Variants in NELL2 observed in about 807,000 individuals in gnomAD.
NELL2 encodes the protein neural EGFL like 2, also known as protein kinase C-binding protein NELL2.
In NELL2, 41 loss-of-function variants were observed where a neutral mutation model predicts 109.6. The observed-to-expected ratio is 0.37, with a 90% CI of 0.29 to 0.49. The LOEUF is 0.49. Ranked by LOEUF, NELL2 falls within the 20% of genes least tolerant of loss-of-function variation. The probability of loss-of-function intolerance (pLI) is 0.98; values close to 1 mark genes in which losing one functional copy is unlikely to be tolerated. For synonymous variants in NELL2, 355 were observed against 344.7 expected, an observed-to-expected ratio of 1.03 and a Z score of -0.33; for missense variants, 900 against 1,008.3, an observed-to-expected ratio of 0.89 and a Z score of 1.45.
intron 13 of NELL2, among the ~76,000 whole-genome samples, chr12:44,643,452 AT>A (rs1304297018): frequency 1.3e-5 from 2 of 152,206 alleles, no homozygotes; most frequent in Non-Finnish European, 2.9e-5. Flanking sequence ...AGAAAAAAGA[AT>A]AAAAAGTTAT....
intron 2 of NELL2, among the ~76,000 whole-genome samples, chr12:44,853,643 GA>G (rs1424259344): frequency 6.6e-6 from 1 of 152,092 alleles, no homozygotes; most frequent in Non-Finnish European, 1.5e-5. Context: ...TCAGGGAATA[GA>G]AAGTATTAAC....
intron 9 of NELL2, among the ~76,000 whole-genome samples, chr12:44,743,865 C>G (rs1940160732): frequency 6.6e-6 from 1 of 152,094 alleles, no homozygotes; most frequent in Non-Finnish European, 1.5e-5. Flanking sequence ...ACTTTAACAC[C>G]TCACTGTCAA....
intron 15 of NELL2, among the ~76,000 whole-genome samples, chr12:44,557,100 G>A (rs73282384): frequency 0.023 from 3,535 of 152,264 alleles, 137 homozygotes; most frequent in African/African-American, 0.079. Context: ...AGCAGATGAT[G>A]CACTCCCACA....
rs1337089535 is a variant in NELL2 at position 44,695,027 on chromosome 12, G to GA, written c.1318+8698dup. On this transcript the variant is annotated intron_variant, in intron 12 of 19. Transcript: ENST00000429094. ...AGAAAGGAGGCCAAAGGGGTAAAAG[G>GA]AAAAAATGAAGGAAGGAAGAAAGGA... Among the ~76,000 whole-genome samples, 5 of 141,848 alleles carry GA rather than the reference G, an allele frequency of 3.5e-5. No homozygotes were observed. In the East Asian group the frequency reaches 9.0e-4, roughly 26 times the overall value. 93.1% of individuals were successfully genotyped at this position (141,848 alleles called of 152,430 possible).
chr12:44,575,745 T>C (rs550613256), intron 15 of NELL2, among the ~76,000 whole-genome samples: 1 of 152,366 alleles, frequency 6.6e-6, no homozygotes, highest in South Asian at 2.1e-4. Flanking sequence ...TTCATTATTA[T>C]CACAGTTCCA....
intron 1 of NELL2, 160 bp downstream of exon 1, chr12:44,875,655 A>C: frequency 1.3e-6 from 2 of 1,573,556 alleles, no homozygotes; most frequent in Non-Finnish European, 1.7e-6. Context: ...AGGCAAGCAC[A>C]GAAAAAAAAA....
chr12:44,877,036 G>C, upstream of NELL2: 1 of 311,460 alleles, frequency 3.2e-6, no homozygotes, highest in Non-Finnish European at 5.2e-6. Context: ...CAAATAAAGC[G>C]TGGAGACCCG....
chr12:44,827,072 C>T (rs1943734421), intron 2 of NELL2, among the ~76,000 whole-genome samples: 1 of 151,960 alleles, frequency 6.6e-6, no homozygotes, highest in Non-Finnish European at 1.5e-5. Context: ...TTTTAAAAGA[C>T]AATTTTAAAA....
At chr12:44,510,444 G>T (rs866492763) in intron 19 of NELL2, among the ~76,000 whole-genome samples, 3 of 152,290 alleles carry the variant, frequency 2.0e-5, no homozygotes, top group Middle Eastern at 3.4e-3. Context: ...GTTTCTCTCA[G>T]AAAATTGGCT....
At chr12:44,598,040 A>T (rs1299352884) in intron 15 of NELL2, among the ~76,000 whole-genome samples, 2 of 152,038 alleles carry the variant, frequency 1.3e-5, no homozygotes, top group Non-Finnish European at 2.9e-5. Flanking sequence ...ACTGTCATTC[A>T]CAAATTTGAT....
At chr12:44,776,764 T>C (rs148714975) in intron 7 of NELL2, among the ~76,000 whole-genome samples, 142 of 152,238 alleles carry the variant, frequency 9.3e-4, no homozygotes, top group Non-Finnish European at 1.6e-3. Flanking sequence ...TGAATAAAAA[T>C]AAATAATAAT....
At chr12:44,834,384 T>C (rs1186483329) in intron 2 of NELL2, among the ~76,000 whole-genome samples, 1 of 151,522 alleles carries the variant, frequency 6.6e-6, no homozygotes, top group Non-Finnish European at 1.5e-5. Flanking sequence ...AAAATGTGTA[T>C]ATATACATTT....
chr12:44,800,592 G>A (rs534367427), intron 3 of NELL2, among the ~76,000 whole-genome samples: 42 of 152,218 alleles, frequency 2.8e-4, no homozygotes, highest in Middle Eastern at 3.4e-3. Context: ...TGTCCATCTG[G>A]AGTGAGTAAG....
At chr12:44,875,188 C>G in intron 2 of NELL2, 37 bp downstream of exon 2, 1 of 1,592,250 alleles carries the variant, frequency 6.3e-7, no homozygotes, top group South Asian at 1.1e-5. Flanking sequence ...GTTATCGGAA[C>G]TGAAATCACA....
At chr12:44,836,746 CAG>C (rs1207102289) in intron 2 of NELL2, among the ~76,000 whole-genome samples, 2 of 152,132 alleles carry the variant, frequency 1.3e-5, no homozygotes, top group African/African-American at 4.8e-5. Context: ...GCTCATAGAA[CAG>C]AGTGAGGGGT....
chr12:44,627,203 A>G (rs1477660718), intron 13 of NELL2, among the ~76,000 whole-genome samples: 1 of 152,176 alleles, frequency 6.6e-6, no homozygotes, highest in Non-Finnish European at 1.5e-5. Flanking sequence ...TCCTGCATAC[A>G]TATTTGAGGC....
intron 13 of NELL2, among the ~76,000 whole-genome samples, chr12:44,652,130 G>C (rs935405911): frequency 9.2e-5 from 14 of 152,134 alleles, no homozygotes; most frequent in African/African-American, 3.1e-4. Flanking sequence ...CTGGCATAGA[G>C]TACTCCTGAA....
chr12:44,695,378 C>T (rs1198841841), intron 12 of NELL2, among the ~76,000 whole-genome samples: 1 of 151,860 alleles, frequency 6.6e-6, no homozygotes, highest in East Asian at 1.9e-4. Context: ...AAATCTTATG[C>T]TACTCTTTCT....
intron 2 of NELL2, among the ~76,000 whole-genome samples, chr12:44,817,959 G>A (rs1943407825): frequency 6.6e-6 from 1 of 152,162 alleles, no homozygotes; most frequent in South Asian, 2.1e-4. Flanking sequence ...CCTAACCCAA[G>A]TTAACGAAGT....
Sources: gnomAD v4.1 joint callset for allele counts (sites outside exome capture counted in the v4.1 genomes callset) on GRCh38, gnomAD v4.1.1 for gene constraint, MANE v1.5 for transcripts, NCBI Gene and HGNC (gene_info 2026-07-23, HGNC 2026-07-21) for gene names.